Variants in QNG1 observed in about 807,000 individuals in gnomAD.
QNG1 encodes Q-nucleotide N-glycosylase 1.
At chr9:83,950,049 ATTTTTT>A in the QNG1 span, among the ~76,000 whole-genome samples, 3 of 136,978 alleles carry the variant, frequency 2.2e-5, no homozygotes, top group Non-Finnish European at 3.2e-5. Context: ...ACATTTTCCT[ATTTTTT>A]TTTTTTTTTT....
At chr9:83,948,513 G>C in the QNG1 span, among the ~76,000 whole-genome samples, 7 of 117,394 alleles carry the variant, frequency 6.0e-5, no homozygotes, top group East Asian at 5.5e-4. Context: ...CTGTCCGGGA[G>C]GGGGGGGGCG....
the QNG1 span, chr9:83,955,421 A>C: frequency 6.2e-7 from 1 of 1,614,168 alleles, no homozygotes; most frequent in South Asian, 1.1e-5. Context: ...AAAACTTTCA[A>C]CCACCAGGTG....
At chr9:83,944,673 A>T in the QNG1 span, 1 of 712,598 alleles carries the variant, frequency 1.4e-6, no homozygotes, top group Non-Finnish European at 2.3e-6. Context: ...TTTCCTTTTT[A>T]CATATACTAT....
At chr9:83,956,311 C>A in the QNG1 span, 40 of 1,613,908 alleles carry the variant, frequency 2.5e-5, no homozygotes, top group Admixed American at 6.7e-4. Context: ...CAGTTGACCG[C>A]GGCCTCGTCG....
chr9:83,948,417 G>C, the QNG1 span, among the ~76,000 whole-genome samples: 6 of 143,508 alleles, frequency 4.2e-5, no homozygotes, highest in African/African-American at 1.5e-4. Flanking sequence ...CGCCCCGTCC[G>C]GGAGGGAGGT....
the QNG1 span, among the ~76,000 whole-genome samples, chr9:83,943,331 C>CAAAAA: frequency 3.2e-3 from 198 of 62,506 alleles, 5 homozygotes; most frequent in African/African-American, 8.1e-3. Context: ...CAGAGCGTCT[C>CAAAAA]AAAAAAAAAA....
At chr9:83,955,735 T>C in the QNG1 span, 1 of 1,203,736 alleles carries the variant, frequency 8.3e-7, no homozygotes, top group African/African-American at 1.5e-5. Flanking sequence ...TGAAACCAAA[T>C]GAGTGGTATA....
the QNG1 span, among the ~76,000 whole-genome samples, chr9:83,948,300 G>C: frequency 2.7e-5 from 4 of 149,192 alleles, no homozygotes; most frequent in Admixed American, 1.3e-4. Flanking sequence ...TGGGAAGTGA[G>C]GAGCCCCTCC....
At chr9:83,950,106 A>G in the QNG1 span, among the ~76,000 whole-genome samples, 20 of 149,822 alleles carry the variant, frequency 1.3e-4, no homozygotes, top group African/African-American at 4.9e-4. Flanking sequence ...CTGGAGTGCA[A>G]TGGTGCAATC....
chr9:83,945,007 T>C, the QNG1 span: 1 of 1,560,984 alleles, frequency 6.4e-7, no homozygotes, highest in South Asian at 1.2e-5. Context: ...ATGAAGAGAA[T>C]ATAAACGTTA....
the QNG1 span, among the ~76,000 whole-genome samples, chr9:83,954,985 G>A: frequency 6.6e-6 from 1 of 151,422 alleles, no homozygotes; most frequent in Non-Finnish European, 1.5e-5. Context: ...ATTACCTGAG[G>A]TCGGGAGTTT....
the QNG1 span, among the ~76,000 whole-genome samples, chr9:83,951,114 T>C: frequency 6.6e-6 from 1 of 151,666 alleles, no homozygotes; most frequent in East Asian, 1.9e-4. Context: ...TCTACAAAAA[T>C]ATAAAAATTG....
chr9:83,955,565 G>A, the QNG1 span: 1 of 1,614,210 alleles, frequency 6.2e-7, no homozygotes, highest in African/African-American at 1.3e-5. Context: ...GGAAACGTCT[G>A]TGTCAGAACG....
At chr9:83,944,645 T>G in the QNG1 span, 1 of 590,426 alleles carries the variant, frequency 1.7e-6, no homozygotes, top group East Asian at 3.1e-5. Context: ...TCATTTTCTC[T>G]ACATTTTGTC....
At chr9:83,956,409 A>G in the QNG1 span, 3 of 1,592,454 alleles carry the variant, frequency 1.9e-6, no homozygotes, top group South Asian at 2.3e-5. Context: ...CAGCTCTGCC[A>G]CCCTCCGTAC....
At chr9:83,947,259 T>C in the QNG1 span, among the ~76,000 whole-genome samples, 1 of 152,178 alleles carries the variant, frequency 6.6e-6, no homozygotes, top group African/African-American at 2.4e-5. Context: ...GGAGAATATT[T>C]TAACTTGTAA....
At chr9:83,947,958 C>G in the QNG1 span, among the ~76,000 whole-genome samples, 1 of 151,240 alleles carries the variant, frequency 6.6e-6, no homozygotes, top group Admixed American at 6.6e-5. Context: ...TGAGGAGCGT[C>G]TCTGCCTGGC....
the QNG1 span, among the ~76,000 whole-genome samples, chr9:83,948,071 C>T: frequency 2.7e-5 from 4 of 150,366 alleles, no homozygotes; most frequent in Non-Finnish European, 4.4e-5. Context: ...AAGTGAGGAG[C>T]GTCTCTGCCC....
At chr9:83,942,373 T>C in the QNG1 span, among the ~76,000 whole-genome samples, 1 of 152,206 alleles carries the variant, frequency 6.6e-6, no homozygotes, top group African/African-American at 2.4e-5. Flanking sequence ...AATTGCATTG[T>C]TAGTCTTTAT....
Sources: allele counts gnomAD v4.1 joint callset (sites outside exome capture counted in the v4.1 genomes callset), GRCh38; gene constraint gnomAD v4.1.1; transcripts MANE v1.5; gene names NCBI Gene and HGNC (gene_info 2026-07-23, HGNC 2026-07-21).